PSPC1: variants seen among roughly 807,000 people sequenced by gnomAD.
PSPC1 encodes the protein paraspeckle protein 1.
PSPC1 carries 14 observed loss-of-function variants against 51.6 expected under a neutral mutation model. That is an observed-to-expected ratio of 0.27 (90% CI 0.18 to 0.42). PSPC1 has a LOEUF of 0.42. Ranked by LOEUF, PSPC1 falls within the 10% of genes least tolerant of loss-of-function variation. PSPC1 has a pLI of 1.00. For synonymous variants in PSPC1, 193 were observed against 231.9 expected (o/e 0.83, Z 1.53); for missense variants, 406 against 701.1 (o/e 0.58, Z 4.75).
At chr13:19,692,933 T>TG (rs1319218916) in intron 6 of PSPC1, among the ~76,000 whole-genome samples, 2 of 152,206 alleles carry the variant, frequency 1.3e-5, no homozygotes, top group African/African-American at 4.8e-5. Flanking sequence ...TCCAGAACAT[T>TG]GTTTCCAGTC....
Position 19,782,767 on chromosome 13 carries a change from T to G in PSPC1, c.-10A>C. 1.3e-6 allele frequency: 2 copies of G among 1,533,672 alleles called. No homozygotes were observed. The highest frequency in any genetic ancestry group is 1.7e-6 in the Non-Finnish European group (2 of 1,157,318). ...TTCCTCTTAACATCATCTTACTGAGTTCGCCTCGGACACCGGATACAGGCC... is the reference window on the plus strand; with the variant it reads ...TTCCTCTTAACATCATCTTACTGAGGTCGCCTCGGACACCGGATACAGGCC... On this transcript the variant is annotated 5_prime_UTR_variant, in exon 1 of 9. Coordinates refer to ENST00000338910, the MANE Select transcript of PSPC1 (RefSeq NM_001354909.2). This position sits in a 1 kb window ranked among gnomAD's most constrained non-coding sequence, Gnocchi z 4.5.
chr13:19,720,713 A>G (rs567115390), intron 6 of PSPC1, among the ~76,000 whole-genome samples: 1 of 152,210 alleles, frequency 6.6e-6, no homozygotes, highest in Non-Finnish European at 1.5e-5. Flanking sequence ...AAACAAGAAT[A>G]AATCAAATGA....
chr13:19,732,859 G>A (rs146603319), intron 5 of PSPC1, among the ~76,000 whole-genome samples: 1,704 of 151,904 alleles, frequency 0.011, 33 homozygotes, highest in African/African-American at 0.038. Flanking sequence ...CCCAGGAGGC[G>A]GAGGTTGCAG....
Position 19,750,657 on chromosome 13 carries a change from A to G in PSPC1, c.967+614T>C, listed in dbSNP as rs372902170. Among the ~76,000 whole-genome samples the G allele has an allele frequency of 5.0e-3, 761 of 152,238 alleles. 8 individuals carry two copies. The highest frequency in any genetic ancestry group is 0.018 in the African/African-American group (738 of 41,548). On this transcript the variant is annotated intron_variant, in intron 4 of 8. Coordinates refer to ENST00000338910, the MANE Select transcript of PSPC1 (RefSeq NM_001354909.2). ...AATCCTGTATGTGCCATGTCTACCT[A>G]CCAAAATTTGCCTGCTATGTTTCTG...
intron 4 of PSPC1, among the ~76,000 whole-genome samples, chr13:19,748,458 A>T (rs939388630): frequency 2.0e-5 from 3 of 152,210 alleles, no homozygotes; most frequent in Admixed American, 6.5e-5. Flanking sequence ...AACACACACG[A>T]TAAACAACAA....
At position 19,730,325 on chromosome 13, in the gene PSPC1, G is replaced by A. The variant is rs78767665; in HGVS notation, c.1072C>T (p.Arg358Trp). 9.9e-6 allele frequency: 16 copies of A among 1,613,574 alleles called. No individual in the cohort carries two copies. The South Asian group carries it at 1.3e-4, about 13-fold the overall frequency. Residue 358 changes from arginine (R) to tryptophan (W), a missense_variant, in exon 6 of 9, where the codon CGG becomes TGG. By Grantham distance (101) the Arg-to-Trp change is moderately radical (BLOSUM62 -3). Transcript: ENST00000338910. ...IQLRHEEEHR[R>W]REEEMIRHRE... ...TGTCGGATCATTTCTTCCTCACGCCGCCGATGCTCCTCTTCATGTCTGAAA... is the reference window on the plus strand; with the variant it reads ...TGTCGGATCATTTCTTCCTCACGCCACCGATGCTCCTCTTCATGTCTGAAA...
At chr13:19,735,304 T>G (rs538128599) in intron 5 of PSPC1, among the ~76,000 whole-genome samples, 27 of 151,772 alleles carry the variant, frequency 1.8e-4, no homozygotes, top group South Asian at 2.1e-4. Context: ...AGAACGAAAC[T>G]CTGTCTCAAA....
chr13:19,762,389 C>T (rs1231099912), intron 2 of PSPC1, among the ~76,000 whole-genome samples: 1 of 151,836 alleles, frequency 6.6e-6, no homozygotes, highest in Non-Finnish European at 1.5e-5. Context: ...AATGCCATCT[C>T]TACTAAAAAA....
chr13:19,679,449 T>G (rs1291358621), intron 6 of PSPC1, among the ~76,000 whole-genome samples: 2 of 152,048 alleles, frequency 1.3e-5, no homozygotes, highest in Non-Finnish European at 1.5e-5. Flanking sequence ...TGAGCTGAGA[T>G]CACACCACTG....
rs938190479 is a variant in PSPC1, at chr13:19,741,638, G to A, written c.979C>T (p.Arg327Cys). ...TCCAAGCGTCTGAGTTCTTCTTGAC[G>A]CCTCATTAGATCTATAAAATAATGA... The part of the protein sequence containing the change: ...LMLMRQDLMR[R>C]QEELRRLEEL... The change falls in exon 5 of 9, where the codon CGT becomes TGT. Residue 327 changes from arginine (R) to cysteine (C), a missense_variant. Physicochemically the swap from Arg to Cys is radical, Grantham distance 180 (BLOSUM62 -3). Coordinates refer to ENST00000338910, the MANE Select transcript of PSPC1 (RefSeq NM_001354909.2). 2.5e-6 allele frequency: 4 copies of A among 1,594,378 alleles called. No individual in the cohort carries two copies. Among genetic ancestry groups the A allele is most frequent in the Non-Finnish European group, 3.4e-6 (4 of 1,168,386 alleles).
At chr13:19,673,029 T>A (rs1876225165), downstream of PSPC1, 1 of 443,388 alleles carries the variant, frequency 2.3e-6, no homozygotes, top group East Asian at 7.0e-5. Context: ...CACTCCAGCC[T>A]GAGTGACAGA....
chr13:19,730,946 G>GAA (rs1168386647), intron 5 of PSPC1, among the ~76,000 whole-genome samples: 3,984 of 25,094 alleles, frequency 0.16, 163 homozygotes, highest in Non-Finnish European at 0.29. Context: ...CCCTGTCTCA[G>GAA]AAAAAAAAAA....
At chr13:19,772,666 G>C (rs1189701426) in intron 1 of PSPC1, 123 bp from the exon 2 acceptor site, 3 of 874,874 alleles carry the variant, frequency 3.4e-6, no homozygotes, top group South Asian at 3.7e-5. Context: ...ATTTGATTTT[G>C]TATCTTTTAA....
chr13:19,707,085 A>C (rs1441871888), intron 7 of PSPC1, among the ~76,000 whole-genome samples: 1 of 152,150 alleles, frequency 6.6e-6, no homozygotes, highest in Non-Finnish European at 1.5e-5. Context: ...GTCTTACCTC[A>C]ACAATCCCCC....
At chr13:19,722,508 T>G (rs1329126355) in intron 6 of PSPC1, among the ~76,000 whole-genome samples, 4 of 138,152 alleles carry the variant, frequency 2.9e-5, no homozygotes, top group Admixed American at 1.4e-4. Flanking sequence ...TTAAAAAAAT[T>G]TTCGGCCAGG....
In PSPC1 at chr13:19,774,359, T is replaced by A. The variant is rs146990971; in HGVS notation, c.373-1816A>T. On this transcript the variant is annotated intron_variant, in intron 1 of 8. Transcript: ENST00000338910. ...AAGGTCACAAGAGCTCTTTATTCAA[T>A]CCCTAAAATGTTCATGACAGCTTGA... 3.2e-3 allele frequency among the ~76,000 whole-genome samples: 493 copies of A among 152,330 alleles called. 4 individuals are homozygous for A. Among genetic ancestry groups the A allele is most frequent in the African/African-American group, 0.011 (457 of 41,578 alleles).
At chr13:19,740,314 G>T (rs1885305614) in intron 5 of PSPC1, among the ~76,000 whole-genome samples, 1 of 151,748 alleles carries the variant, frequency 6.6e-6, no homozygotes, top group South Asian at 2.1e-4. Context: ...TTGCACTCCA[G>T]CCTGGGCAAC....
chr13:19,671,884 A>G, downstream of PSPC1: 1 of 1,613,894 alleles, frequency 6.2e-7, no homozygotes, highest in Non-Finnish European at 8.5e-7. Flanking sequence ...GACCAAACAG[A>G]AGGGACTGGG....
At chr13:19,757,977 C>A (rs377715532) in intron 3 of PSPC1, among the ~76,000 whole-genome samples, 1 of 151,872 alleles carries the variant, frequency 6.6e-6, no homozygotes, top group Non-Finnish European at 1.5e-5. Flanking sequence ...GTGTTCGTTG[C>A]ACAGCTGTTT....
Sources: gnomAD v4.1 joint callset for allele counts (sites outside exome capture counted in the v4.1 genomes callset) on GRCh38, gnomAD v4.1.1 for gene constraint, Gnocchi (gnomAD v3.1) non-coding constraint, MANE v1.5 for transcripts, NCBI Gene and HGNC (gene_info 2026-07-23, HGNC 2026-07-21) for gene names.